The following CCBE1 variants were observed in gnomAD, a reference collection of about 807,000 sequenced individuals.
CCBE1 encodes collagen and calcium binding EGF domains 1.
A neutral mutation model predicts 50.0 loss-of-function variants in CCBE1; 37 were observed. The ratio of observed to expected loss-of-function variants is 0.74; its 90% confidence interval spans 0.57 to 0.97. The LOEUF (loss-of-function observed/expected upper bound fraction) is 0.97, where lower values mean the gene tolerates loss of function less well. Ranked by LOEUF, CCBE1 falls within the 50% of genes least tolerant of loss-of-function variation. The pLI, the probability that CCBE1 is intolerant of heterozygous loss-of-function variation, is 0.00. For synonymous variants in CCBE1, 234 were observed against 203.7 expected (o/e 1.15, Z -1.27); for missense variants, 538 against 523.8 (o/e 1.03, Z -0.26).
intron 2 of CCBE1, among the ~76,000 whole-genome samples, chr18:59,507,842 G>T (rs1046192899): frequency 6.6e-6 from 1 of 151,714 alleles, no homozygotes; most frequent in African/African-American, 2.4e-5. Context: ...TTATTTTCAA[G>T]ATTAATTTGC....
intron 5 of CCBE1, chr18:59,455,260 T>C: frequency 2.2e-6 from 1 of 451,308 alleles, no homozygotes; most frequent in South Asian, 2.0e-5. Flanking sequence ...ATCAGTGCTT[T>C]TCCAGAAGGC....
At chr18:59,631,394 T>C (rs751081935) in intron 2 of CCBE1, among the ~76,000 whole-genome samples, 8 of 152,204 alleles carry the variant, frequency 5.3e-5, no homozygotes, top group Non-Finnish European at 1.0e-4. Flanking sequence ...TGAACAATTC[T>C]GAATTGGGTT....
Position 59,696,630 on chromosome 18 carries a change from T to A in CCBE1, c.211A>T (p.Arg71Trp). Residue 71 changes from arginine to tryptophan, a missense_variant and splice_region_variant, in exon 2 of 11, where the codon AGG (arginine) becomes TGG (tryptophan). By Grantham distance (101) the Arg-to-Trp change is moderately radical. Coordinates refer to ENST00000439986, the MANE Select transcript of CCBE1 (RefSeq NM_133459.4). ...KSSGELTTCY[R>W]KKCCKGYKFV... ...AGCCCGCAGAGCCCCCAGGCTTACC[T>A]GTAGCATGTGGTGAGCTCGCCTGAA... The A allele has an allele frequency of 1.9e-6, 3 of 1,613,942 alleles. No individual in the cohort carries two copies. Among genetic ancestry groups the A allele is most frequent in the Non-Finnish European group, 2.5e-6 (3 of 1,179,926 alleles).
chr18:59,657,635 T>C (rs1434589019), intron 2 of CCBE1, among the ~76,000 whole-genome samples: 1 of 152,204 alleles, frequency 6.6e-6, no homozygotes, highest in Non-Finnish European at 1.5e-5. Context: ...CTCACGCCTA[T>C]AATCCCAGCA....
At chr18:59,601,801 C>A (rs1340514272) in intron 2 of CCBE1, among the ~76,000 whole-genome samples, 2 of 152,196 alleles carry the variant, frequency 1.3e-5, no homozygotes, top group African/African-American at 4.8e-5. Flanking sequence ...GGAGTGCATT[C>A]TTTTGTTGAG....
At chr18:59,564,086 A>G (rs1475570708) in intron 2 of CCBE1, 1 of 152,238 alleles carries the variant, frequency 6.6e-6, no homozygotes, top group Admixed American at 6.5e-5. Context: ...TCCCAGGGCA[A>G]TCTGACTCTA....
intron 2 of CCBE1, among the ~76,000 whole-genome samples, chr18:59,605,429 C>A (rs1226691114): frequency 6.6e-6 from 1 of 152,156 alleles, no homozygotes; most frequent in Non-Finnish European, 1.5e-5. Flanking sequence ...ATAAAGGGGG[C>A]ATCTCACCCT....
chr18:59,544,688 G>A (rs192956359), intron 2 of CCBE1, among the ~76,000 whole-genome samples: 22 of 152,248 alleles, frequency 1.4e-4, no homozygotes, highest in Middle Eastern at 3.4e-3. Flanking sequence ...GAAAGAGGTG[G>A]GAAAATGGAT....
At chr18:59,444,882 C>T (rs185938321) in intron 7 of CCBE1, among the ~76,000 whole-genome samples, 44 of 152,102 alleles carry the variant, frequency 2.9e-4, no homozygotes, top group African/African-American at 1.0e-3. Flanking sequence ...AGTCCTTTTC[C>T]CATCTTTTTA....
At chr18:59,580,975 C>T (rs1323276381) in intron 2 of CCBE1, among the ~76,000 whole-genome samples, 1 of 152,194 alleles carries the variant, frequency 6.6e-6, no homozygotes, top group Non-Finnish European at 1.5e-5. Context: ...GAGCTCTGTG[C>T]TGCCGCTTTT....
chr18:59,619,214 T>C (rs934602704), intron 2 of CCBE1, among the ~76,000 whole-genome samples: 1 of 152,244 alleles, frequency 6.6e-6, no homozygotes, highest in East Asian at 1.9e-4. Context: ...AAACGTTTTA[T>C]TTTTCCATCT....
intron 2 of CCBE1, among the ~76,000 whole-genome samples, chr18:59,591,855 T>G (rs2053274879): frequency 6.6e-6 from 1 of 152,228 alleles, no homozygotes; most frequent in Non-Finnish European, 1.5e-5. Context: ...AGGCTATTAA[T>G]TTCAGGATTA....
intron 2 of CCBE1, among the ~76,000 whole-genome samples, chr18:59,692,992 A>ACAC (rs1488245420): frequency 6.6e-6 from 1 of 151,418 alleles, no homozygotes; most frequent in East Asian, 2.0e-4. Flanking sequence ...ACACACACAC[A>ACAC]CACACACACA....
chr18:59,622,428 C>T (rs562401064), intron 2 of CCBE1, among the ~76,000 whole-genome samples: 15 of 151,784 alleles, frequency 9.9e-5, no homozygotes, highest in South Asian at 6.3e-4. Flanking sequence ...CGCTTGAACC[C>T]GGGAGGCAGA....
intron 4 of CCBE1, among the ~76,000 whole-genome samples, chr18:59,467,276 C>T (rs1343217994): frequency 1.3e-5 from 2 of 152,152 alleles, no homozygotes; most frequent in African/African-American, 4.8e-5. Flanking sequence ...GAGAAGCAAA[C>T]ATTATAGAGA....
intron 5 of CCBE1, among the ~76,000 whole-genome samples, chr18:59,455,897 C>T (rs1005546293): frequency 6.6e-6 from 1 of 152,226 alleles, no homozygotes; most frequent in African/African-American, 2.4e-5. Context: ...GCCAGGTTTG[C>T]TCTTTGTGTG....
intron 2 of CCBE1, among the ~76,000 whole-genome samples, chr18:59,618,333 A>T (rs1481645406): frequency 6.6e-6 from 1 of 152,174 alleles, no homozygotes; most frequent in Non-Finnish European, 1.5e-5. Context: ...AATCTAGTTT[A>T]AAAAAGAAAA....
At chr18:59,472,495 G>C (rs1198982992) in intron 3 of CCBE1, among the ~76,000 whole-genome samples, 1 of 152,162 alleles carries the variant, frequency 6.6e-6, no homozygotes, top group Non-Finnish European at 1.5e-5. Context: ...TCTTCTTATA[G>C]ACATTTTTTC....
chr18:59,539,024 A>G (rs908858170), intron 2 of CCBE1, among the ~76,000 whole-genome samples: 1 of 152,012 alleles, frequency 6.6e-6, no homozygotes, highest in Non-Finnish European at 1.5e-5. Context: ...GAAAAGTAAA[A>G]AACTAGCCAG....
Sources: gnomAD v4.1 joint callset for allele counts (sites outside exome capture counted in the v4.1 genomes callset) on GRCh38, gnomAD v4.1.1 for gene constraint, MANE v1.5 for transcripts, NCBI Gene and HGNC (gene_info 2026-07-23, HGNC 2026-07-21) for gene names.